Variants in ZC3HAV1 observed in about 807,000 individuals in gnomAD.
ZC3HAV1 encodes zinc finger CCCH-type antiviral protein 1.
ZC3HAV1 carries 41 observed loss-of-function variants against 86.6 expected under a neutral mutation model. The observed-to-expected ratio is 0.47, with a 90% CI of 0.37 to 0.61. The LOEUF is 0.61. Ranked by LOEUF, ZC3HAV1 falls within the 20% of genes least tolerant of loss-of-function variation. The pLI is 0.00. For missense variants in ZC3HAV1, 964 were observed against 1,141.1 expected, an observed-to-expected ratio of 0.84 and a Z score of 2.24; for synonymous variants, 421 against 432.1, an observed-to-expected ratio of 0.97 and a Z score of 0.32.
chr7:139,060,988 T>A, intron 9 of ZC3HAV1, 48 bp downstream of exon 9: 1 of 1,611,428 alleles, frequency 6.2e-7, no homozygotes, highest in Non-Finnish European at 8.5e-7. Context: ...GCCCAGGGCA[T>A]GAACATCTCA....
At chr7:139,049,965 T>C (rs1448413089) in intron 12 of ZC3HAV1, 1 of 160,252 alleles carries the variant, frequency 6.2e-6, no homozygotes, top group Admixed American at 6.2e-5. Flanking sequence ...TTTATTTGCA[T>C]GATTTCATGG....
At chr7:139,067,159 T>C (rs984694390) in intron 7 of ZC3HAV1, among the ~76,000 whole-genome samples, 8 of 151,334 alleles carry the variant, frequency 5.3e-5, no homozygotes, top group African/African-American at 1.5e-4. Context: ...TTCTTTCTTT[T>C]TTTTTCAGGG....
chr7:139,108,892 G>A lies in ZC3HAV1; in HGVS notation c.308+132C>T, dbSNP rs1157331175. ...AGGCTCCCAGAGGGGAGCAGAGAAG[G>A]GAGTGGCTGGAGGCGGAGGCTGTCA... On this transcript the variant is annotated intron_variant, in intron 1 of 12. Transcript: ENST00000242351. This position sits in a 1 kb window ranked among gnomAD's most constrained non-coding sequence, Gnocchi z 4.2. The A allele has an allele frequency of 2.1e-5, 25 of 1,185,678 alleles. No individual in the cohort carries two copies. Among genetic ancestry groups the A allele is most frequent in the Non-Finnish European group, 2.8e-5 (24 of 861,912 alleles). The allele number at this position is 1,185,678 out of a possible 1,614,324, so 73.4% of individuals were successfully genotyped here.
intron 1 of ZC3HAV1, among the ~76,000 whole-genome samples, chr7:139,094,272 C>T (rs1241725261): frequency 6.6e-6 from 1 of 152,048 alleles, no homozygotes; most frequent in African/African-American, 2.4e-5. Flanking sequence ...TACGAACATA[C>T]TTGGAGTATA....
intron 8 of ZC3HAV1, among the ~76,000 whole-genome samples, chr7:139,062,612 G>C (rs1756366075): frequency 6.6e-6 from 1 of 152,108 alleles, no homozygotes. Context: ...CCACCCTTTT[G>C]AATACAGGCT....
intron 2 of ZC3HAV1, among the ~76,000 whole-genome samples, chr7:139,085,618 A>C (rs1454467474): frequency 6.6e-6 from 1 of 152,026 alleles, no homozygotes; most frequent in African/African-American, 2.4e-5. Context: ...CCCATCTCAC[A>C]CCCCCTAAAC....
At chr7:139,062,029 A>G (rs1422662170) in intron 8 of ZC3HAV1, among the ~76,000 whole-genome samples, 1 of 152,224 alleles carries the variant, frequency 6.6e-6, no homozygotes, top group East Asian at 1.9e-4. Flanking sequence ...TAAAACAGGG[A>G]CAGAAAGCAA....
intron 8 of ZC3HAV1, among the ~76,000 whole-genome samples, chr7:139,061,904 A>G (rs1043135493): frequency 6.6e-6 from 1 of 152,240 alleles, no homozygotes; most frequent in Non-Finnish European, 1.5e-5. Flanking sequence ...AGGAACAACT[A>G]CTATACATGC....
At chr7:139,099,079 T>G (rs574772522) in intron 1 of ZC3HAV1, among the ~76,000 whole-genome samples, 47 of 152,304 alleles carry the variant, frequency 3.1e-4, no homozygotes, top group Admixed American at 5.9e-4. Context: ...ATTTAAGATT[T>G]TATCATGGTT....
chr7:139,077,417 T>C (rs1373262696), intron 5 of ZC3HAV1, among the ~76,000 whole-genome samples: 2 of 152,168 alleles, frequency 1.3e-5, no homozygotes, highest in Non-Finnish European at 2.9e-5. Context: ...CTAATTTTTG[T>C]ATTTTTAGTA....
In ZC3HAV1 at chr7:139,079,628, T is replaced by G; in HGVS notation, c.1313A>C (p.Asp438Ala). The G allele has an allele frequency of 6.2e-7, 1 of 1,614,140 alleles. No homozygotes were observed. The change falls in exon 4 of 13, where the codon GAT becomes GCT. Residue 438 changes from aspartate (D) to alanine (A), a missense_variant. Physicochemically the swap from Asp to Ala is moderately radical, Grantham distance 126. Transcript: ENST00000242351. ...ATTTAAGGATCTGGTAGAAGTTATATCTGTGGCCACTCCATCAGCATTATT... is the reference window on the plus strand; with the variant it reads ...ATTTAAGGATCTGGTAGAAGTTATAGCTGTGGCCACTCCATCAGCATTATT... ...FNNNADGVAT[D>A]ITSTRSLNYK...
chr7:139,101,053 C>T (rs557103586), intron 1 of ZC3HAV1, among the ~76,000 whole-genome samples: 168 of 151,882 alleles, frequency 1.1e-3, no homozygotes, highest in African/African-American at 3.3e-3. Flanking sequence ...CTGTGTTGGC[C>T]GGGCTGGTCT....
chr7:139,054,158 A>G, intron 10 of ZC3HAV1, 63 bp from the exon 11 acceptor site: 1 of 1,459,940 alleles, frequency 6.8e-7, no homozygotes, highest in Non-Finnish European at 9.1e-7. Context: ...ATACATCCAC[A>G]TATGTGCCCC....
chr7:139,064,625 CCT>C (rs1584846563), intron 8 of ZC3HAV1, among the ~76,000 whole-genome samples: 2 of 152,066 alleles, frequency 1.3e-5, no homozygotes, highest in Admixed American at 1.3e-4. Context: ...AGTTTGAGCC[CCT>C]GATTTTGCAG....
intron 1 of ZC3HAV1, among the ~76,000 whole-genome samples, chr7:139,093,077 G>A (rs1384472085): frequency 6.6e-6 from 1 of 152,174 alleles, no homozygotes; most frequent in Non-Finnish European, 1.5e-5. Context: ...CATTTACTAA[G>A]TGACAGGAAC....
At position 139,083,662 on chromosome 7, in the gene ZC3HAV1, G is replaced by A. The variant is rs1043577266; in HGVS notation, c.697+118C>T. 8.2e-6 allele frequency: 11 copies of A among 1,336,090 alleles called. No individual in the cohort carries two copies. The Admixed American group carries it at 2.6e-4, about 32-fold the overall frequency. 82.8% of individuals were successfully genotyped at this position (1,336,090 alleles called of 1,614,324 possible). On this transcript the variant is annotated intron_variant, in intron 3 of 12. Coordinates refer to ENST00000242351, the MANE Select transcript of ZC3HAV1 (RefSeq NM_020119.4). ...GAATCACTTGAACCTGGGAGGCAGA[G>A]GTTGCAGTGAGCTGAGATCACGCCA...
chr7:139,085,655 C>T (rs1262862900), intron 2 of ZC3HAV1, among the ~76,000 whole-genome samples: 1 of 152,164 alleles, frequency 6.6e-6, no homozygotes, highest in South Asian at 2.1e-4. Context: ...TGCACTGCCT[C>T]TTACACTTAA....
At chr7:139,102,932 GTATATA>G (rs1409150562) in intron 1 of ZC3HAV1, among the ~76,000 whole-genome samples, 1 of 130,892 alleles carries the variant, frequency 7.6e-6, no homozygotes, top group Non-Finnish European at 1.6e-5. Context: ...AAAAAAAAAA[GTATATA>G]TATATGTATA....
Position 139,108,068 on chromosome 7 carries a change from GA to G in ZC3HAV1, c.308+955del, listed in dbSNP as rs921230791. Reference sequence around the variant, plus strand: ...TAAAACCCTGCCTGGGGGAAAAGATGAGTTTGACTCCATGGACAGGACACAC... The same window carrying G: ...TAAAACCCTGCCTGGGGGAAAAGATGGTTTGACTCCATGGACAGGACACAC... On this transcript the variant is annotated intron_variant, in intron 1 of 12. Coordinates refer to ENST00000242351, the MANE Select transcript of ZC3HAV1 (RefSeq NM_020119.4). This position sits in a 1 kb window ranked among gnomAD's most constrained non-coding sequence, Gnocchi z 4.2. Among the ~76,000 whole-genome samples the G allele has an allele frequency of 2.0e-5, 3 of 152,096 alleles. No individual in the cohort carries two copies. The highest frequency in any genetic ancestry group is 4.8e-5 in the African/African-American group (2 of 41,394).
Sources: gnomAD v4.1 joint callset for allele counts (sites outside exome capture counted in the v4.1 genomes callset) on GRCh38, gnomAD v4.1.1 for gene constraint, Gnocchi (gnomAD v3.1) non-coding constraint, MANE v1.5 for transcripts, NCBI Gene and HGNC (gene_info 2026-07-23, HGNC 2026-07-21) for gene names.